The following NCOA1 variants were observed in gnomAD, a reference collection of about 807,000 sequenced individuals.
The protein encoded by NCOA1 is nuclear receptor coactivator 1.
Under a neutral mutation model 150.9 loss-of-function variants are expected in NCOA1, and 35 were observed. The ratio of observed to expected loss-of-function variants is 0.23; its 90% confidence interval spans 0.18 to 0.31. NCOA1 has a LOEUF of 0.31. NCOA1 is among the 10% of genes least tolerant of loss of function. The pLI is 1.00. For missense variants in NCOA1, 1,491 were observed against 1,749.3 expected, an observed-to-expected ratio of 0.85 and a Z score of 2.63; for synonymous variants, 590 against 630.0, an observed-to-expected ratio of 0.94 and a Z score of 0.95.
At chr2:24,697,602 A>G in intron 10 of NCOA1, 56 bp from the exon 11 acceptor site, 1 of 1,451,360 alleles carries the variant, frequency 6.9e-7, no homozygotes, top group Non-Finnish European at 9.4e-7. Context: ...GTTTTGAAAT[A>G]CAGATGATTT....
At chr2:24,648,176 G>A (rs566390840) in intron 4 of NCOA1, among the ~76,000 whole-genome samples, 40 of 151,964 alleles carry the variant, frequency 2.6e-4, no homozygotes, top group African/African-American at 6.3e-4. Flanking sequence ...AAATATTGCC[G>A]AATATAAATG....
At chr2:24,544,474 G>A (rs1665527039) in intron 1 of NCOA1, among the ~76,000 whole-genome samples, 6 of 152,192 alleles carry the variant, frequency 3.9e-5, no homozygotes, top group Admixed American at 3.9e-4. Flanking sequence ...TGGGTGCGGT[G>A]GCTCATGCCT....
intron 3 of NCOA1, among the ~76,000 whole-genome samples, chr2:24,633,157 T>C (rs571871477): frequency 1.1e-4 from 16 of 151,622 alleles, no homozygotes; most frequent in Middle Eastern, 3.4e-3. Context: ...CACACACACA[T>C]ATATATATAC....
intron 14 of NCOA1, among the ~76,000 whole-genome samples, chr2:24,713,273 A>G (rs1673851253): frequency 1.3e-5 from 2 of 151,736 alleles, no homozygotes; most frequent in African/African-American, 4.8e-5. Context: ...AATTAAATTT[A>G]ATTTAAAAAA....
At chr2:24,699,866 C>T (rs1422159579) in intron 11 of NCOA1, among the ~76,000 whole-genome samples, 7 of 152,238 alleles carry the variant, frequency 4.6e-5, no homozygotes, top group South Asian at 2.1e-4. Flanking sequence ...TTAAGTTGGC[C>T]GGGTGCAGTG....
rs768184654 is a variant in NCOA1 at position 24,697,809 on chromosome 2, C to A, written c.949+11C>A. 6 of 1,609,472 alleles carry A rather than the reference C, an allele frequency of 3.7e-6. No homozygotes were observed. In the African/African-American group the frequency reaches 4.0e-5, roughly 11 times the overall value. ...AGCTGTTCCAAGAAGGTAAAATTTT[C>A]TCTCTCAATTATTTTCATTAACCCT... On this transcript the variant is annotated intron_variant, in intron 11 of 22. Transcript: ENST00000348332.
intron 1 of NCOA1, among the ~76,000 whole-genome samples, chr2:24,504,346 C>T (rs1663601075): frequency 6.6e-6 from 1 of 152,072 alleles, no homozygotes; most frequent in Admixed American, 6.5e-5. Flanking sequence ...TGGCTTTGGC[C>T]CTAAAGTGTC....
intron 8 of NCOA1, among the ~76,000 whole-genome samples, chr2:24,685,521 T>C (rs993779837): frequency 6.6e-6 from 1 of 152,142 alleles, no homozygotes; most frequent in Non-Finnish European, 1.5e-5. Flanking sequence ...AAAAAGCAAG[T>C]CGTTATAAAT....
intron 6 of NCOA1, among the ~76,000 whole-genome samples, chr2:24,668,306 C>T (rs760391096): frequency 9.9e-5 from 15 of 151,922 alleles, no homozygotes; most frequent in East Asian, 5.8e-4. Flanking sequence ...TATTAGTTTC[C>T]GGATTGAAAG....
At chr2:24,717,427 T>C (rs1487267020) in intron 14 of NCOA1, among the ~76,000 whole-genome samples, 3 of 152,194 alleles carry the variant, frequency 2.0e-5, no homozygotes, top group African/African-American at 7.2e-5. Context: ...AGCCGTATTC[T>C]GGAAAAGGCA....
intron 5 of NCOA1, among the ~76,000 whole-genome samples, chr2:24,660,361 AAT>A (rs1466858516): frequency 6.6e-6 from 1 of 152,124 alleles, no homozygotes; most frequent in Non-Finnish European, 1.5e-5. Context: ...TTATTTTGTT[AAT>A]ATGTTATCAT....
chr2:24,734,970 G>A (rs1392644840), intron 17 of NCOA1, among the ~76,000 whole-genome samples: 1 of 152,122 alleles, frequency 6.6e-6, no homozygotes, highest in Non-Finnish European at 1.5e-5. Flanking sequence ...GGTGACAATG[G>A]GGAAAGAATG....
At position 24,728,464 on chromosome 2, in the gene NCOA1, C is replaced by A. The variant is rs1178325937; in HGVS notation, c.2874C>A (p.Asp958Glu). The A allele has an allele frequency of 6.2e-7, 1 of 1,611,476 alleles. No homozygotes were observed. Among genetic ancestry groups the A allele is most frequent in the Non-Finnish European group, 8.5e-7 (1 of 1,179,052 alleles). Residue 958 changes from aspartate to glutamate, a missense_variant, in exon 16 of 23, where the codon GAC (aspartate) becomes GAA (glutamate). Coordinates refer to ENST00000348332, the MANE Select transcript of NCOA1 (RefSeq NM_003743.5). ...LAELDRALGI[D>E]KLVQGGGLDV... ...AACTAGACAGAGCTCTGGGAATTGA[C>A]AAACTTGTTCAGGTATTTATTAAAG...
At chr2:24,491,848 C>G (rs1019515583) in intron 1 of NCOA1, 1 of 151,924 alleles carries the variant, frequency 6.6e-6, no homozygotes, top group East Asian at 1.9e-4. Context: ...GAAATCGCTG[C>G]AGCAGCGACT....
intron 3 of NCOA1, among the ~76,000 whole-genome samples, chr2:24,642,335 A>ATATT (rs1553441444): frequency 6.9e-6 from 1 of 144,834 alleles, no homozygotes; most frequent in African/African-American, 2.5e-5. Flanking sequence ...ATATATATAT[A>ATATT]TTTTTTAAAA....
chr2:24,571,456 A>G (rs908068771), intron 2 of NCOA1, among the ~76,000 whole-genome samples: 1 of 152,146 alleles, frequency 6.6e-6, no homozygotes, highest in African/African-American at 2.4e-5. Context: ...CACTTTATAC[A>G]TATTTACCCA....
intron 1 of NCOA1, among the ~76,000 whole-genome samples, chr2:24,504,773 C>T (rs968093397): frequency 2.6e-5 from 4 of 152,032 alleles, no homozygotes; most frequent in African/African-American, 7.2e-5. Flanking sequence ...ATACCTGATC[C>T]AGGACTTTCC....
intron 1 of NCOA1, among the ~76,000 whole-genome samples, chr2:24,525,897 C>T (rs1178510508): frequency 6.6e-6 from 1 of 152,068 alleles, no homozygotes; most frequent in Non-Finnish European, 1.5e-5. Flanking sequence ...TCCTTATGTT[C>T]TCTTCTTATT....
chr2:24,672,562 T>G (rs779597622), intron 6 of NCOA1, among the ~76,000 whole-genome samples: 25 of 151,122 alleles, frequency 1.7e-4, no homozygotes, highest in Non-Finnish European at 2.8e-4. Context: ...ACCTAGCTAA[T>G]TTTTAAAATT....
Sources: gnomAD v4.1 joint callset for allele counts (sites outside exome capture counted in the v4.1 genomes callset) on GRCh38, gnomAD v4.1.1 for gene constraint, MANE v1.5 for transcripts, NCBI Gene and HGNC (gene_info 2026-07-23, HGNC 2026-07-21) for gene names.